Variants in GRIK1 observed in about 807,000 individuals in gnomAD.
GRIK1 encodes glutamate ionotropic receptor kainate type subunit 1.
Under a neutral mutation model 105.7 loss-of-function variants are expected in GRIK1, and 69 were observed. The ratio of observed to expected loss-of-function variants is 0.65; its 90% CI spans 0.54 to 0.80. The LOEUF is 0.80. GRIK1 is among the 30% of genes least tolerant of loss of function. The pLI, the probability that GRIK1 is intolerant of heterozygous loss-of-function variation, is 0.00. For synonymous variants in GRIK1, 438 were observed against 431.3 expected (o/e 1.02, Z -0.19); for missense variants, 1,109 against 1,167.3 (o/e 0.95, Z 0.73).
intron 1 of GRIK1, among the ~76,000 whole-genome samples, chr21:29,785,651 G>T (rs1017997448): frequency 6.6e-6 from 1 of 151,256 alleles, no homozygotes; most frequent in Non-Finnish European, 1.5e-5. Context: ...ATGGCAAAGC[G>T]CAGAAAGTGC....
At chr21:29,656,946 A>C (rs909525765) in intron 4 of GRIK1, among the ~76,000 whole-genome samples, 35 of 152,348 alleles carry the variant, frequency 2.3e-4, no homozygotes, top group Non-Finnish European at 5.0e-4. Flanking sequence ...TCCTACGGTG[A>C]CAACAAGACC....
intron 15 of GRIK1, among the ~76,000 whole-genome samples, chr21:29,557,134 G>A (rs888684727): frequency 2.0e-5 from 3 of 152,192 alleles, no homozygotes; most frequent in African/African-American, 7.2e-5. Flanking sequence ...TGCAAAGGAA[G>A]AGGCAAAGTA....
intron 1 of GRIK1, among the ~76,000 whole-genome samples, chr21:29,804,629 A>G (rs2066810478): frequency 6.6e-6 from 1 of 152,186 alleles, no homozygotes; most frequent in Non-Finnish European, 1.5e-5. Flanking sequence ...GTTTAATTGT[A>G]AAGCTTTCTT....
intron 1 of GRIK1, among the ~76,000 whole-genome samples, chr21:29,743,569 C>T (rs923871743): frequency 4.6e-5 from 7 of 151,966 alleles, no homozygotes; most frequent in African/African-American, 1.7e-4. Flanking sequence ...GTAGCATGCA[C>T]CTGTAGTCCT....
chr21:29,561,272 G>A (rs1008502473), intron 15 of GRIK1, among the ~76,000 whole-genome samples: 1 of 151,996 alleles, frequency 6.6e-6, no homozygotes, highest in Non-Finnish European at 1.5e-5. Flanking sequence ...CTAATTTAAG[G>A]CAGATACATT....
chr21:29,773,795 A>G (rs916430534), intron 1 of GRIK1, among the ~76,000 whole-genome samples: 1 of 152,216 alleles, frequency 6.6e-6, no homozygotes, highest in African/African-American at 2.4e-5. Context: ...CATTTGTAAC[A>G]TATTCACAGG....
intron 1 of GRIK1, among the ~76,000 whole-genome samples, chr21:29,743,668 G>A (rs1003766558): frequency 2.0e-5 from 3 of 151,990 alleles, no homozygotes; most frequent in Non-Finnish European, 2.9e-5. Flanking sequence ...GCACTCTAGC[G>A]TGGGTGATAG....
chr21:29,777,990 T>G (rs541751124), intron 1 of GRIK1, among the ~76,000 whole-genome samples: 1 of 152,296 alleles, frequency 6.6e-6, no homozygotes, highest in Non-Finnish European at 1.5e-5. Context: ...CTGTGGGAAC[T>G]GCAGCAGACT....
At chr21:29,636,763 T>C (rs1275130302) in intron 7 of GRIK1, among the ~76,000 whole-genome samples, 1 of 152,230 alleles carries the variant, frequency 6.6e-6, no homozygotes, top group African/African-American at 2.4e-5. Context: ...CCTGCTTCAA[T>C]CATACCTATA....
chr21:29,543,119 T>G (rs995052255), intron 16 of GRIK1, among the ~76,000 whole-genome samples: 1 of 152,036 alleles, frequency 6.6e-6, no homozygotes, highest in African/African-American at 2.4e-5. Context: ...TATTTTTTTT[T>G]GTCTTGGTCA....
rs560000773 is a variant in GRIK1, at chr21:29,736,931, G to A, written c.119-42868C>T. Among the ~76,000 whole-genome samples the A allele has an allele frequency of 3.3e-5, 5 of 150,506 alleles. No homozygotes were observed. The South Asian group carries it at 1.1e-3, about 32-fold the overall frequency. ...TGACCTCAGGTAATCCACCCACCTC[G>A]GCCTCCCAGAGTGCTGGGATTACAG... On this transcript the variant is annotated intron_variant, in intron 1 of 17. Transcript: ENST00000327783.
intron 1 of GRIK1, among the ~76,000 whole-genome samples, chr21:29,803,033 T>C (rs991602292): frequency 6.6e-6 from 1 of 152,152 alleles, no homozygotes; most frequent in African/African-American, 2.4e-5. Context: ...TGAAATTTTA[T>C]TACATAATGC....
rs142394305 is a variant in GRIK1, at chr21:29,819,163, C to A, written c.118+120220G>T. 3.7e-3 allele frequency among the ~76,000 whole-genome samples: 564 copies of A among 152,150 alleles called. 1 individual carries two copies. The highest frequency in any genetic ancestry group is 0.012 in the African/African-American group (511 of 41,534). ...AGATACTATATATTGAAATACTATT[C>A]GACAAGAAAGCTATTTTCCAAGTAG... is the stretch of plus-strand genomic sequence containing the variant. On this transcript the variant is annotated intron_variant, in intron 1 of 17. Coordinates refer to ENST00000327783, the MANE Select transcript of GRIK1 (RefSeq NM_001330994.2).
At chr21:29,723,396 A>C (rs189942651) in intron 1 of GRIK1, among the ~76,000 whole-genome samples, 24 of 152,340 alleles carry the variant, frequency 1.6e-4, no homozygotes, top group African/African-American at 5.8e-4. Context: ...AGCTTTCATC[A>C]TGCTTTACAG....
chr21:29,644,712 C>T (rs1391802114), intron 6 of GRIK1, among the ~76,000 whole-genome samples: 1 of 152,178 alleles, frequency 6.6e-6, no homozygotes, highest in African/African-American at 2.4e-5. Context: ...CCTGCACCTG[C>T]CTGATTCTAG....
At chr21:29,837,828 C>G (rs1340407363) in intron 1 of GRIK1, among the ~76,000 whole-genome samples, 1 of 152,182 alleles carries the variant, frequency 6.6e-6, no homozygotes, top group African/African-American at 2.4e-5. Context: ...ACACAATAGT[C>G]TTATACAGTG....
In GRIK1 at chr21:29,693,937, T is replaced by A. The variant is rs778464432; in HGVS notation, c.245A>T (p.Gln82Leu). 6.2e-7 allele frequency: 1 copy of A among 1,613,552 alleles called. No individual in the cohort carries two copies. Among genetic ancestry groups the A allele is most frequent in the South Asian group, 1.1e-5 (1 of 91,068 alleles). Residue 82 changes from glutamine to leucine, a missense_variant, in exon 2 of 18, where the codon CAG (glutamine) becomes CTG (leucine). Coordinates refer to ENST00000327783, the MANE Select transcript of GRIK1 (RefSeq NM_001330994.2). ...MPNTTLTYDI[Q>L]RINLFDSFEA... ...AAAACTATCAAAAAGGTTAATTCTC[T>A]GGATGTCATAGGTTAATGTGGTGTT...
intron 1 of GRIK1, among the ~76,000 whole-genome samples, chr21:29,824,556 T>G (rs986254564): frequency 6.6e-6 from 1 of 151,972 alleles, no homozygotes; most frequent in Admixed American, 6.6e-5. Context: ...TCTGGTCAGA[T>G]GTTACTTGCA....
chr21:29,784,500 T>C (rs1426646232), intron 1 of GRIK1, among the ~76,000 whole-genome samples: 9 of 152,188 alleles, frequency 5.9e-5, no homozygotes, highest in Non-Finnish European at 1.3e-4. Flanking sequence ...ATTTAATCTT[T>C]GTCTAGGTTT....
Sources: gnomAD v4.1 joint callset for allele counts (sites outside exome capture counted in the v4.1 genomes callset) on GRCh38, gnomAD v4.1.1 for gene constraint, MANE v1.5 for transcripts, NCBI Gene and HGNC (gene_info 2026-07-23, HGNC 2026-07-21) for gene names.